The following ARHGAP10 variants were observed in gnomAD, a reference collection of about 807,000 sequenced individuals.
ARHGAP10 encodes the protein rho GTPase-activating protein 10.
A neutral mutation model predicts 108.6 loss-of-function variants in ARHGAP10; 87 were observed. That is an observed-to-expected ratio of 0.80 (90% CI 0.67 to 0.96). The LOEUF is 0.96. Ranked by LOEUF, ARHGAP10 falls within the 40% of genes least tolerant of loss-of-function variation. The pLI, the probability that ARHGAP10 is intolerant of heterozygous loss-of-function variation, is 0.00. For synonymous variants in ARHGAP10, 347 were observed against 341.1 expected (o/e 1.02, Z -0.19); for missense variants, 939 against 954.5 (o/e 0.98, Z 0.21).
intron 1 of ARHGAP10, among the ~76,000 whole-genome samples, chr4:147,768,821 C>G (rs1012432715): frequency 3.3e-5 from 5 of 151,020 alleles, no homozygotes; most frequent in Admixed American, 2.0e-4. Flanking sequence ...TCACTGCAGC[C>G]TCCGCCTCCT....
intron 1 of ARHGAP10, among the ~76,000 whole-genome samples, chr4:147,800,492 G>C (rs1731537355): frequency 6.6e-6 from 1 of 152,110 alleles, no homozygotes; most frequent in Non-Finnish European, 1.5e-5. Context: ...GGATGGTGTA[G>C]GACTTATCTG....
At chr4:148,008,680 C>T (rs763834145) in intron 18 of ARHGAP10, among the ~76,000 whole-genome samples, 72 of 152,158 alleles carry the variant, frequency 4.7e-4, no homozygotes, top group African/African-American at 1.3e-3. Flanking sequence ...GTTAATCAGA[C>T]GTACTATATC....
intron 1 of ARHGAP10, among the ~76,000 whole-genome samples, chr4:147,749,073 A>G (rs1412309045): frequency 6.6e-6 from 1 of 152,232 alleles, no homozygotes; most frequent in African/African-American, 2.4e-5. Context: ...ACAAATGAGG[A>G]CTATATGAAA....
intron 16 of ARHGAP10, among the ~76,000 whole-genome samples, chr4:147,960,678 A>G (rs939453685): frequency 6.6e-6 from 1 of 152,212 alleles, no homozygotes; most frequent in Non-Finnish European, 1.5e-5. Flanking sequence ...GAATTTTCAC[A>G]TGTAATCAGC....
intron 10 of ARHGAP10, among the ~76,000 whole-genome samples, chr4:147,894,287 T>C (rs1036315109): frequency 6.6e-6 from 1 of 152,170 alleles, no homozygotes; most frequent in African/African-American, 2.4e-5. Flanking sequence ...GTTACTCTTT[T>C]TCATTTTAGC....
intron 4 of ARHGAP10, among the ~76,000 whole-genome samples, chr4:147,847,580 G>C (rs1478002538): frequency 6.6e-6 from 1 of 152,192 alleles, no homozygotes; most frequent in Non-Finnish European, 1.5e-5. Flanking sequence ...TTACAGTAGG[G>C]TTTAAGATTA....
intron 1 of ARHGAP10, among the ~76,000 whole-genome samples, chr4:147,757,022 CGA>C (rs371180090): frequency 1.0e-4 from 15 of 146,248 alleles, no homozygotes; most frequent in African/African-American, 1.3e-4. Context: ...AGAGTGAGAG[CGA>C]GAGAGAGAGA....
chr4:147,761,558 T>C (rs746894724), intron 1 of ARHGAP10, among the ~76,000 whole-genome samples: 1 of 152,230 alleles, frequency 6.6e-6, no homozygotes, highest in Non-Finnish European at 1.5e-5. Context: ...ATTTATCTCT[T>C]TCTCTTTTCC....
At chr4:148,029,681 G>A (rs1728047025) in intron 19 of ARHGAP10, among the ~76,000 whole-genome samples, 3 of 152,078 alleles carry the variant, frequency 2.0e-5, no homozygotes, top group African/African-American at 7.2e-5. Flanking sequence ...TTTTGGCATG[G>A]CATTTCATGG....
rs574396636 is a variant in ARHGAP10 at position 147,852,396 on chromosome 4, A to G, written c.385-5157A>G. 2.0e-5 allele frequency among the ~76,000 whole-genome samples: 3 copies of G among 152,292 alleles called. No homozygotes were observed. In the South Asian group the frequency reaches 6.2e-4, roughly 32 times the overall value. On this transcript the variant is annotated intron_variant, in intron 4 of 22. Transcript: ENST00000336498. ...TTCTGGGTCTGGATTCAAGTGCTCC[A>G]TTCTGTGAGGATGAAGTTGAATTCT...
At chr4:148,034,882 A>G (rs1578811183) in intron 19 of ARHGAP10, among the ~76,000 whole-genome samples, 1 of 152,160 alleles carries the variant, frequency 6.6e-6, no homozygotes, top group African/African-American at 2.4e-5. Context: ...TTTTGTTTAT[A>G]TGGGCAAAAA....
At chr4:147,747,271 G>A (rs1420903092) in intron 1 of ARHGAP10, among the ~76,000 whole-genome samples, 1 of 152,164 alleles carries the variant, frequency 6.6e-6, no homozygotes, top group Non-Finnish European at 1.5e-5. Flanking sequence ...CACCTGGGAA[G>A]ATTGTAGGAC....
At chr4:147,847,988 A>G (rs1219900789) in intron 4 of ARHGAP10, among the ~76,000 whole-genome samples, 3 of 152,104 alleles carry the variant, frequency 2.0e-5, no homozygotes, top group Admixed American at 1.3e-4. Flanking sequence ...GCTGTTGACC[A>G]TTTTTGGCTT....
intron 1 of ARHGAP10, among the ~76,000 whole-genome samples, chr4:147,771,147 C>T (rs947214490): frequency 1.3e-5 from 2 of 152,068 alleles, no homozygotes; most frequent in Non-Finnish European, 2.9e-5. Flanking sequence ...AGTTTGAGAC[C>T]AGCCTGGGCA....
intron 18 of ARHGAP10, among the ~76,000 whole-genome samples, chr4:148,017,682 A>ATATATATATATATATATATATATGTG (rs1437383455): frequency 2.2e-5 from 3 of 135,260 alleles, no homozygotes; most frequent in Admixed American, 7.3e-5. Context: ...ATATATATAT[A>ATATATATATATATATATATATATGTG]TGTGTGTGTA....
At chr4:147,933,303 A>C (rs1737779495) in intron 13 of ARHGAP10, among the ~76,000 whole-genome samples, 1 of 152,192 alleles carries the variant, frequency 6.6e-6, no homozygotes. Flanking sequence ...GTCATAGCAC[A>C]CTATGGCCTT....
chr4:148,056,780 ATAC>A (rs1488382375), intron 20 of ARHGAP10, among the ~76,000 whole-genome samples: 1 of 152,198 alleles, frequency 6.6e-6, no homozygotes, highest in Admixed American at 6.5e-5. Flanking sequence ...TAATATAGTC[ATAC>A]TTTTTTCCCT....
chr4:147,733,262 A>G (rs1188973097), intron 1 of ARHGAP10, among the ~76,000 whole-genome samples: 2 of 152,092 alleles, frequency 1.3e-5, no homozygotes, highest in Non-Finnish European at 2.9e-5. Context: ...AGTTGAGGAG[A>G]GTCTTTCTAG....
At position 147,732,254 on chromosome 4, in the gene ARHGAP10, C is replaced by A; in HGVS notation, c.-48C>A. On this transcript the variant is annotated 5_prime_UTR_variant, in exon 1 of 23. Transcript: ENST00000336498. ...CTGGCAGCGGCCTCGGAGCTCGGCTCGGGCAGGAGCGCGCGGCCGTGCGCA... is the reference window on the plus strand; with the variant it reads ...CTGGCAGCGGCCTCGGAGCTCGGCTAGGGCAGGAGCGCGCGGCCGTGCGCA... 6.6e-7 allele frequency: 1 copy of A among 1,516,676 alleles called. No individual in the cohort carries two copies. The highest frequency in any genetic ancestry group is 8.8e-7 in the Non-Finnish European group (1 of 1,140,880). The allele number at this position is 1,516,676 out of a possible 1,614,324, so 94.0% of individuals were successfully genotyped here.
Sources: gnomAD v4.1 joint callset for allele counts (sites outside exome capture counted in the v4.1 genomes callset) on GRCh38, gnomAD v4.1.1 for gene constraint, MANE v1.5 for transcripts, NCBI Gene and HGNC (gene_info 2026-07-23, HGNC 2026-07-21) for gene names.